Variants in MYO3B observed in about 807,000 individuals in gnomAD.
MYO3B encodes the protein myosin IIIB, also known as myosin-IIIb.
MYO3B carries 156 observed loss-of-function variants against 174.6 expected under a neutral mutation model. The ratio of observed to expected loss-of-function variants is 0.89; its 90% CI spans 0.78 to 1.02. The LOEUF is 1.02. MYO3B is among the 50% of genes least tolerant of loss of function. The pLI, the probability that MYO3B is intolerant of heterozygous loss-of-function variation, is 0.00. For missense variants in MYO3B, 1,632 were observed against 1,639.4 expected (o/e 1.00, Z 0.08); for synonymous variants, 563 against 569.1 (o/e 0.99, Z 0.15).
intron 22 of MYO3B, among the ~76,000 whole-genome samples, chr2:170,428,784 G>A (rs145602161): frequency 1.3e-4 from 20 of 152,288 alleles, no homozygotes; most frequent in Middle Eastern, 3.4e-3. Context: ...ACACCATGAC[G>A]GAATGCCATG....
intron 30 of MYO3B, among the ~76,000 whole-genome samples, chr2:170,540,218 G>A (rs1323095376): frequency 3.3e-5 from 5 of 151,988 alleles, no homozygotes; most frequent in African/African-American, 9.6e-5. Flanking sequence ...CACCTACTTC[G>A]GAGTCTGCAG....
chr2:170,222,647 G>T (rs2092913624), intron 6 of MYO3B, among the ~76,000 whole-genome samples: 1 of 152,116 alleles, frequency 6.6e-6, no homozygotes, highest in South Asian at 2.1e-4. Context: ...TCGGATTAGA[G>T]GCCCACCCTA....
chr2:170,438,011 T>C (rs1161120722), intron 22 of MYO3B, among the ~76,000 whole-genome samples: 2 of 152,222 alleles, frequency 1.3e-5, no homozygotes, highest in Non-Finnish European at 2.9e-5. Flanking sequence ...TGCACAGTTT[T>C]GCACAGCAGA....
chr2:170,605,515 A>T (rs1265208157), intron 32 of MYO3B, among the ~76,000 whole-genome samples: 1 of 152,030 alleles, frequency 6.6e-6, no homozygotes, highest in African/African-American at 2.4e-5. Context: ...TGATCCCCTC[A>T]TGTCTTGAAA....
intron 32 of MYO3B, among the ~76,000 whole-genome samples, chr2:170,642,274 G>C (rs1698035986): frequency 6.6e-6 from 1 of 152,150 alleles, no homozygotes; most frequent in South Asian, 2.1e-4. Context: ...TTCAGGGGAA[G>C]TTATTGCCAC....
At chr2:170,483,866 T>A (rs1247697747) in intron 25 of MYO3B, among the ~76,000 whole-genome samples, 1 of 152,174 alleles carries the variant, frequency 6.6e-6, no homozygotes, top group Non-Finnish European at 1.5e-5. Context: ...AAGGCATGTT[T>A]TCTTCACAGC....
intron 22 of MYO3B, chr2:170,411,884 G>A (rs1389162639): frequency 1.3e-5 from 2 of 152,330 alleles, no homozygotes; most frequent in Non-Finnish European, 2.9e-5. Context: ...GGTTCTCAGT[G>A]ACCTTGTGGT....
At chr2:170,436,664 A>G (rs1233736946) in intron 22 of MYO3B, among the ~76,000 whole-genome samples, 2 of 152,198 alleles carry the variant, frequency 1.3e-5, no homozygotes, top group Non-Finnish European at 2.9e-5. Context: ...TACAGAATCA[A>G]ATGACACTGT....
intron 25 of MYO3B, among the ~76,000 whole-genome samples, chr2:170,481,329 G>A (rs1027381200): frequency 4.6e-5 from 7 of 152,038 alleles, no homozygotes; most frequent in Admixed American, 6.6e-5. Context: ...GCAGTGGCTC[G>A]CGCCTGTAAC....
chr2:170,545,880 A>G (rs747817546), intron 32 of MYO3B, among the ~76,000 whole-genome samples: 6 of 152,200 alleles, frequency 3.9e-5, no homozygotes, highest in Non-Finnish European at 7.3e-5. Flanking sequence ...TAAGATTTCT[A>G]AAGCAAAATC....
intron 7 of MYO3B, among the ~76,000 whole-genome samples, chr2:170,311,794 G>A (rs1343259019): frequency 1.3e-5 from 2 of 152,124 alleles, no homozygotes; most frequent in Non-Finnish European, 2.9e-5. Flanking sequence ...TTGTTGTAAT[G>A]TGTGGGTCCA....
At chr2:170,532,346 A>C (rs1476024900) in intron 30 of MYO3B, among the ~76,000 whole-genome samples, 1 of 152,248 alleles carries the variant, frequency 6.6e-6, no homozygotes, top group Non-Finnish European at 1.5e-5. Flanking sequence ...ATGATCTAGG[A>C]ATTTATTTTG....
chr2:170,645,609 CA>C (rs1414020195), intron 32 of MYO3B, among the ~76,000 whole-genome samples: 1 of 152,028 alleles, frequency 6.6e-6, no homozygotes, highest in Non-Finnish European at 1.5e-5. Context: ...GCCCAAAATC[CA>C]AAAGACAGGG....
chr2:170,181,144 ATTAAAG>A (rs748252737), intron 1 of MYO3B, among the ~76,000 whole-genome samples: 2 of 152,122 alleles, frequency 1.3e-5, no homozygotes, highest in South Asian at 2.1e-4. Context: ...CTGTTTAATG[ATTAAAG>A]TTAATTTTTA....
At chr2:170,543,694 T>A (rs951458391) in intron 31 of MYO3B, among the ~76,000 whole-genome samples, 198 bp from the exon 32 acceptor site, 1 of 152,216 alleles carries the variant, frequency 6.6e-6, no homozygotes, top group Non-Finnish European at 1.5e-5. Flanking sequence ...ATGTTAAGAC[T>A]TGGCTTCTAA....
At chr2:170,534,964 A>G (rs562376078) in intron 30 of MYO3B, among the ~76,000 whole-genome samples, 2 of 152,238 alleles carry the variant, frequency 1.3e-5, no homozygotes, top group South Asian at 4.1e-4. Flanking sequence ...CTACTTATTT[A>G]TTAAGGTCTT....
intron 22 of MYO3B, among the ~76,000 whole-genome samples, chr2:170,433,082 T>C (rs2094724834): frequency 6.6e-6 from 1 of 152,168 alleles, no homozygotes; most frequent in African/African-American, 2.4e-5. Context: ...TTATGTGCCC[T>C]ATATAGGTGT....
At chr2:170,274,894 T>C (rs1278578936) in intron 7 of MYO3B, among the ~76,000 whole-genome samples, 1 of 152,198 alleles carries the variant, frequency 6.6e-6, no homozygotes, top group East Asian at 1.9e-4. Context: ...TTTTACCCAA[T>C]TCTTTTTCTT....
At chr2:170,490,597 G>A (rs541078281) in intron 25 of MYO3B, among the ~76,000 whole-genome samples, 54 of 152,044 alleles carry the variant, frequency 3.6e-4, no homozygotes, top group African/African-American at 1.3e-3. Context: ...TGATGAGAGT[G>A]GACATCTTGA....
Sources: gnomAD v4.1 joint callset for allele counts (sites outside exome capture counted in the v4.1 genomes callset) on GRCh38, gnomAD v4.1.1 for gene constraint, MANE v1.5 for transcripts, NCBI Gene and HGNC (gene_info 2026-07-23, HGNC 2026-07-21) for gene names.